Variants in ZDHHC18 observed in about 807,000 individuals in gnomAD.
ZDHHC18 encodes the protein palmitoyltransferase ZDHHC18.
ZDHHC18 carries 23 observed loss-of-function variants against 37.5 expected under a neutral mutation model. That is an observed-to-expected ratio of 0.61 (90% confidence interval 0.44 to 0.87). The LOEUF (loss-of-function observed/expected upper bound fraction) is 0.87, where lower values mean the gene tolerates loss of function less well. ZDHHC18 is among the 40% of genes least tolerant of loss of function. The pLI, the probability that ZDHHC18 is intolerant of heterozygous loss-of-function variation, is 0.00. For missense variants in ZDHHC18, 406 were observed against 525.6 expected, an observed-to-expected ratio of 0.77 and a Z score of 2.22; for synonymous variants, 185 against 218.7, an observed-to-expected ratio of 0.85 and a Z score of 1.36.
rs1219387621 is a variant in ZDHHC18 at position 26,856,136 on chromosome 1, C to T, written c.*2293C>T. 1 of 436,484 alleles carries T rather than the reference C, an allele frequency of 2.3e-6. No homozygotes were observed. The highest frequency in any genetic ancestry group is 4.7e-6 in the Non-Finnish European group (1 of 210,722). 27.0% of individuals were successfully genotyped at this position (436,484 alleles called of 1,614,324 possible). ...CACCTCCAACCTGGGCACCAGGGCC[C>T]AGCCAGACAACTCATAACACTGGCC... On this transcript the variant is annotated 3_prime_UTR_variant, in exon 8 of 8. Coordinates refer to ENST00000374142, the MANE Select transcript of ZDHHC18 (RefSeq NM_032283.3). This position sits in a 1 kb window ranked among gnomAD's most constrained non-coding sequence, Gnocchi z 5.2.
chr1:26,836,789 C>T (rs75417276), intron 2 of ZDHHC18, among the ~76,000 whole-genome samples: 8 of 149,450 alleles, frequency 5.4e-5, no homozygotes, highest in African/African-American at 9.8e-5. Flanking sequence ...AGGATGGTCT[C>T]GATCTCCTGA....
At chr1:26,835,269 C>T (rs190090033) in intron 2 of ZDHHC18, among the ~76,000 whole-genome samples, 36 of 152,284 alleles carry the variant, frequency 2.4e-4, no homozygotes, top group Non-Finnish European at 4.6e-4. Flanking sequence ...TCTTGTAGGG[C>T]GCTGAATGTC....
chr1:26,831,700 G>A (rs186377870), intron 1 of ZDHHC18, among the ~76,000 whole-genome samples: 197 of 152,310 alleles, frequency 1.3e-3, no homozygotes, highest in African/African-American at 4.4e-3. Flanking sequence ...CATTCAGCAG[G>A]CACAGGCTAT....
chr1:26,852,905 G>T (rs1192561480), intron 7 of ZDHHC18, 40 bp downstream of exon 7: 2 of 1,589,436 alleles, frequency 1.3e-6, no homozygotes, highest in Non-Finnish European at 1.7e-6. Context: ...ACAGGGCCAT[G>T]CCTGGCCAGT....
chr1:26,838,104 C>A (rs1231910943), intron 2 of ZDHHC18, among the ~76,000 whole-genome samples: 3 of 151,272 alleles, frequency 2.0e-5, no homozygotes, highest in African/African-American at 7.3e-5. Flanking sequence ...TCAAGCGATT[C>A]TCCTGCCTCA....
In ZDHHC18 at chr1:26,827,060, A is replaced by C; in HGVS notation, c.256A>C (p.Met86Leu). ...TCGCTTCTACTGCGGCGGCCGCCTC[A>C]TGCTGGCCGGCCACGGCGGCGTCTT... is the stretch of plus-strand genomic sequence containing the variant. ...RNRFYCGGRL[M>L]LAGHGGVFAL... Residue 86 changes from methionine to leucine, a missense_variant, in exon 1 of 8, where the codon ATG becomes CTG. Physicochemically the swap from Met to Leu is conservative, Grantham distance 15. Coordinates refer to ENST00000374142, the MANE Select transcript of ZDHHC18 (RefSeq NM_032283.3). 1 of 1,373,660 alleles carries C rather than the reference A, an allele frequency of 7.3e-7. No homozygotes were observed. The highest frequency in any genetic ancestry group is 9.4e-7 in the Non-Finnish European group (1 of 1,064,530). 85.1% of individuals were successfully genotyped at this position (1,373,660 alleles called of 1,614,324 possible).
chr1:26,831,728 G>T (rs765507603), intron 1 of ZDHHC18, among the ~76,000 whole-genome samples: 68 of 152,322 alleles, frequency 4.5e-4, no homozygotes, highest in Non-Finnish European at 9.1e-4. Context: ...GGCAGCCAGG[G>T]TCAGGGGGTC....
intron 5 of ZDHHC18, 105 bp from the exon 6 acceptor site, chr1:26,851,024 T>C (rs998417025): frequency 8.7e-7 from 1 of 1,143,800 alleles, no homozygotes; most frequent in Non-Finnish European, 1.3e-6. Context: ...CCAAAACTTC[T>C]CAGCTCTCTG....
At chr1:26,853,048 A>G in intron 7 of ZDHHC18, 183 bp downstream of exon 7, 1 of 562,496 alleles carries the variant, frequency 1.8e-6, no homozygotes, top group Non-Finnish European at 3.1e-6. Context: ...TGCTCATTGT[A>G]GAAAAAAAAA....
At chr1:26,837,348 CAT>C (rs1411402762) in intron 2 of ZDHHC18, among the ~76,000 whole-genome samples, 3 of 146,116 alleles carry the variant, frequency 2.1e-5, no homozygotes, top group Non-Finnish European at 3.0e-5. Flanking sequence ...ATATATTTAA[CAT>C]ATTTAATATG....
chr1:26,828,120 G>A (rs1242903765), intron 1 of ZDHHC18, among the ~76,000 whole-genome samples: 1 of 152,094 alleles, frequency 6.6e-6, no homozygotes, highest in East Asian at 1.9e-4. Context: ...TGGATGGAGG[G>A]TCATATATTT....
intron 1 of ZDHHC18, among the ~76,000 whole-genome samples, chr1:26,827,711 C>T (rs997982924): frequency 5.9e-5 from 9 of 152,182 alleles, no homozygotes; most frequent in African/African-American, 1.9e-4. Context: ...TAGTCTCAGA[C>T]ACCAACCCCG....
intron 2 of ZDHHC18, among the ~76,000 whole-genome samples, chr1:26,833,751 C>A (rs1269058887): frequency 1.3e-5 from 2 of 152,054 alleles, no homozygotes; most frequent in African/African-American, 4.8e-5. Flanking sequence ...AGCTCCTTCC[C>A]CTAACAGCAT....
chr1:26,852,652 T>C, intron 6 of ZDHHC18, 101 bp from the exon 7 acceptor site: 2 of 936,992 alleles, frequency 2.1e-6, no homozygotes, highest in Non-Finnish European at 3.3e-6. Flanking sequence ...GTAACCAGAA[T>C]TGGTTTCGGA....
chr1:26,845,666 A>G (rs2081660638), intron 2 of ZDHHC18, among the ~76,000 whole-genome samples: 1 of 149,106 alleles, frequency 6.7e-6, no homozygotes, highest in Admixed American at 6.7e-5. Context: ...GCCCCAAAAA[A>G]CTCTTCATTC....
At chr1:26,832,734 C>A in intron 2 of ZDHHC18, 127 bp downstream of exon 2, 2 of 1,129,654 alleles carry the variant, frequency 1.8e-6, no homozygotes, top group Non-Finnish European at 2.5e-6. Context: ...GCAAGGCAGG[C>A]TGGAGCTGAC....
chr1:26,849,442 T>G (rs547972676), intron 3 of ZDHHC18, among the ~76,000 whole-genome samples: 1 of 152,238 alleles, frequency 6.6e-6, no homozygotes, highest in South Asian at 2.1e-4. Context: ...TCATGCCAGC[T>G]CAGTACTCCC....
Position 26,832,613 on chromosome 1 carries a change from GTT to G in ZDHHC18, c.496+8_496+9del. On this transcript the variant is annotated splice_region_variant and intron_variant, in intron 2 of 7. Coordinates refer to ENST00000374142, the MANE Select transcript of ZDHHC18 (RefSeq NM_032283.3). ...CGCCCTGGAGAAACAGATCGGTGAG[GTT>G]TCTACTCCCAGCTGAAGCTGGGTCT... The G allele has an allele frequency of 6.2e-7, 1 of 1,613,196 alleles. No individual in the cohort carries two copies. The highest frequency in any genetic ancestry group is 8.5e-7 in the Non-Finnish European group (1 of 1,179,220).
chr1:26,849,131 G>A (rs1031485997), intron 3 of ZDHHC18, among the ~76,000 whole-genome samples: 12 of 152,200 alleles, frequency 7.9e-5, no homozygotes, highest in Admixed American at 2.0e-4. Context: ...ATGAGTTACT[G>A]TCCAGTGGCC....
Sources: allele counts gnomAD v4.1 joint callset (sites outside exome capture counted in the v4.1 genomes callset), GRCh38; gene constraint gnomAD v4.1.1; non-coding constraint Gnocchi (gnomAD v3.1); transcripts MANE v1.5; gene names NCBI Gene and HGNC (gene_info 2026-07-23, HGNC 2026-07-21).